FCHSD2: variants seen among roughly 807,000 people sequenced by gnomAD.
FCHSD2 encodes FCH and double SH3 domains 2, also known as F-BAR and double SH3 domains protein 2.
In FCHSD2, 38 loss-of-function variants were observed where a neutral mutation model predicts 108.1. The observed-to-expected ratio is 0.35, with a 90% confidence interval of 0.27 to 0.46. The LOEUF (loss-of-function observed/expected upper bound fraction) is 0.46. Among genes scored for constraint, FCHSD2 ranks in the 20% least tolerant of loss-of-function variants. The pLI, the probability that FCHSD2 is intolerant of heterozygous loss-of-function variation, is 1.00. For synonymous variants in FCHSD2, 279 were observed against 314.7 expected, an observed-to-expected ratio of 0.89 and a Z score of 1.20; for missense variants, 751 against 897.8, an observed-to-expected ratio of 0.84 and a Z score of 2.09.
At chr11:72,978,333 C>T (rs779768541) in intron 8 of FCHSD2, among the ~76,000 whole-genome samples, 1 of 151,728 alleles carries the variant, frequency 6.6e-6, no homozygotes, top group Non-Finnish European at 1.5e-5. Context: ...TAAATAAATA[C>T]ATAAAAATAA....
intron 3 of FCHSD2, among the ~76,000 whole-genome samples, chr11:73,023,644 C>T (rs1363250677): frequency 6.6e-6 from 1 of 152,152 alleles, no homozygotes; most frequent in Non-Finnish European, 1.5e-5. Flanking sequence ...TGAACAGAGA[C>T]TTCCACAATC....
At chr11:73,066,254 T>C (rs143283322) in intron 3 of FCHSD2, among the ~76,000 whole-genome samples, 1 of 152,206 alleles carries the variant, frequency 6.6e-6, no homozygotes, top group Middle Eastern at 3.2e-3. Flanking sequence ...GGGAAAAGAT[T>C]ACCTATTTAA....
chr11:73,009,057 C>T (rs986847545), intron 4 of FCHSD2, among the ~76,000 whole-genome samples: 1 of 150,300 alleles, frequency 6.7e-6, no homozygotes, highest in Middle Eastern at 3.2e-3. Context: ...AAAAAAGGTC[C>T]AAGAGAAAGT....
intron 9 of FCHSD2, among the ~76,000 whole-genome samples, chr11:72,907,504 T>G (rs547171209): frequency 3.6e-4 from 55 of 152,226 alleles, no homozygotes; most frequent in African/African-American, 1.3e-3. Flanking sequence ...TTGAGATATG[T>G]TCCAACAATA....
At chr11:73,088,500 T>G (rs192162330) in intron 2 of FCHSD2, among the ~76,000 whole-genome samples, 1 of 152,272 alleles carries the variant, frequency 6.6e-6, no homozygotes, top group Non-Finnish European at 1.5e-5. Context: ...AAAATAGTAA[T>G]GAAAGTTTTC....
At chr11:72,919,790 A>G (rs768757075) in intron 9 of FCHSD2, among the ~76,000 whole-genome samples, 25 of 151,726 alleles carry the variant, frequency 1.6e-4, no homozygotes, top group Admixed American at 3.3e-4. Context: ...TGGATTAAAA[A>G]TACAATTTAT....
chr11:72,894,116 C>G (rs1434367601), intron 10 of FCHSD2, among the ~76,000 whole-genome samples: 1 of 152,188 alleles, frequency 6.6e-6, no homozygotes, highest in Non-Finnish European at 1.5e-5. Flanking sequence ...AAATCACTAA[C>G]AGTAAAATAC....
chr11:73,074,039 T>C (rs1421470074), intron 3 of FCHSD2, among the ~76,000 whole-genome samples: 1 of 152,054 alleles, frequency 6.6e-6, no homozygotes, highest in Non-Finnish European at 1.5e-5. Context: ...CGAACAGATA[T>C]CAAGATTTAT....
At chr11:73,060,261 G>C (rs1032686307) in intron 3 of FCHSD2, among the ~76,000 whole-genome samples, 1 of 152,052 alleles carries the variant, frequency 6.6e-6, no homozygotes, top group Non-Finnish European at 1.5e-5. Context: ...CCATATTTTG[G>C]CATTTAGGAA....
At chr11:72,990,449 T>C (rs1185727102) in intron 5 of FCHSD2, among the ~76,000 whole-genome samples, 2 of 152,218 alleles carry the variant, frequency 1.3e-5, no homozygotes, top group African/African-American at 4.8e-5. Flanking sequence ...GACCACATAG[T>C]TGGAAGTAAA....
At position 72,979,302 on chromosome 11, in the gene FCHSD2, T is replaced by C. The variant is rs1468432767; in HGVS notation, c.705+4786A>G. Among the ~76,000 whole-genome samples, 6 of 152,036 alleles carry C rather than the reference T, an allele frequency of 3.9e-5. No individual in the cohort carries two copies. In the East Asian group the frequency reaches 1.2e-3, roughly 29 times the overall value. On this transcript the variant is annotated intron_variant, in intron 8 of 19. Transcript: ENST00000409418. Reference sequence around the variant, plus strand: ...AGTCCAATAAAAGAAACTGTAAAGTTGAAGAAGTCTCCCAAAAAGTACAAC... The same window carrying C: ...AGTCCAATAAAAGAAACTGTAAAGTCGAAGAAGTCTCCCAAAAAGTACAAC...
intron 3 of FCHSD2, among the ~76,000 whole-genome samples, chr11:73,078,613 T>A (rs1472995475): frequency 6.7e-6 from 1 of 149,548 alleles, no homozygotes; most frequent in Non-Finnish European, 1.5e-5. Flanking sequence ...AAATTAGAAA[T>A]CCAAAAATAA....
At position 72,841,528 on chromosome 11, in the gene FCHSD2, T is replaced by C. The variant is rs1270390793; in HGVS notation, c.1982A>G (p.Gln661Arg). 1 of 1,611,426 alleles carries C rather than the reference T, an allele frequency of 6.2e-7. No homozygotes were observed. Among genetic ancestry groups the C allele is most frequent in the East Asian group, 2.2e-5 (1 of 44,864 alleles). ...ASLPPLPLYD[Q>R]PPSSPYPSPD... is the part of the protein sequence containing the mutation. The stretch of plus-strand genomic sequence containing the variant: ...GCTGGGGTAGGGGCTGCTGGGAGGC[T>C]GGTCGTACAACGGCAGTGGAGGCAG... Residue 661 changes from glutamine (Q) to arginine (R), a missense_variant, in exon 18 of 20, where the codon CAG (glutamine) becomes CGG (arginine). Physicochemically the swap from Gln to Arg is conservative, Grantham distance 43. Transcript: ENST00000409418.
At chr11:72,899,438 T>C (rs1855482861) in intron 10 of FCHSD2, among the ~76,000 whole-genome samples, 1 of 152,086 alleles carries the variant, frequency 6.6e-6, no homozygotes, top group Admixed American at 6.6e-5. Flanking sequence ...AACCACGAGA[T>C]ACTATTTCAT....
At chr11:73,041,770 TG>T (rs1313531967) in intron 3 of FCHSD2, among the ~76,000 whole-genome samples, 1 of 152,114 alleles carries the variant, frequency 6.6e-6, no homozygotes, top group Non-Finnish European at 1.5e-5. Context: ...TTCAATTTTG[TG>T]TTTTGGTTTG....
intron 3 of FCHSD2, among the ~76,000 whole-genome samples, chr11:73,043,648 A>C (rs1392832018): frequency 6.6e-6 from 1 of 152,192 alleles, no homozygotes; most frequent in African/African-American, 2.4e-5. Context: ...CCTCTTTTCC[A>C]AGGCATATAC....
chr11:73,057,327 CT>C (rs112204807), intron 3 of FCHSD2, among the ~76,000 whole-genome samples: 2,154 of 152,056 alleles, frequency 0.014, 54 homozygotes, highest in African/African-American at 0.048. Flanking sequence ...AAAACAGAAG[CT>C]AAAGAATCAC....
At chr11:72,972,592 A>G (rs1035691402) in intron 8 of FCHSD2, among the ~76,000 whole-genome samples, 5 of 152,238 alleles carry the variant, frequency 3.3e-5, no homozygotes, top group African/African-American at 1.2e-4. Flanking sequence ...AAAGTTGTTC[A>G]ACTGCTAAAA....
At chr11:72,901,158 A>G (rs1215593793) in intron 10 of FCHSD2, among the ~76,000 whole-genome samples, 2 of 152,134 alleles carry the variant, frequency 1.3e-5, no homozygotes, top group African/African-American at 2.4e-5. Context: ...TTGGGAGACT[A>G]AAGTGGGTAG....
Sources: gnomAD v4.1 joint callset for allele counts (sites outside exome capture counted in the v4.1 genomes callset) on GRCh38, gnomAD v4.1.1 for gene constraint, MANE v1.5 for transcripts, NCBI Gene and HGNC (gene_info 2026-07-23, HGNC 2026-07-21) for gene names.